GPR89B: variants seen among roughly 807,000 people sequenced by gnomAD.
GPR89B encodes G protein-coupled receptor 89B.
GPR89B carries 25 observed loss-of-function variants against 52.4 expected under a neutral mutation model. The observed-to-expected ratio is 0.48, with a 90% CI of 0.35 to 0.67. GPR89B has a LOEUF of 0.67. Among genes scored for constraint, GPR89B ranks in the 30% least tolerant of loss-of-function variants. GPR89B has a pLI of 0.01. For synonymous variants in GPR89B, 52 were observed against 151.2 expected (o/e 0.34, Z 4.81); for missense variants, 146 against 450.2 (o/e 0.32, Z 6.11).
the GPR89B span, among the ~76,000 whole-genome samples, chr1:148,021,006 G>C: frequency 6.6e-6 from 1 of 151,662 alleles, no homozygotes; most frequent in African/African-American, 2.4e-5. Context: ...TCTAAGCCGA[G>C]ACTTTGCAGA....
chr1:147,961,422 A>G (rs1656550736), intron 7 of GPR89B, among the ~76,000 whole-genome samples: 2 of 152,288 alleles, frequency 1.3e-5, no homozygotes, highest in African/African-American at 2.4e-5. Context: ...CTTGAAAGCA[A>G]CAAGGGGAAA....
intron 7 of GPR89B, among the ~76,000 whole-genome samples, chr1:147,956,951 C>A (rs1656163670): frequency 1.3e-5 from 2 of 151,900 alleles, no homozygotes; most frequent in African/African-American, 4.9e-5. Context: ...TTGGACCAGG[C>A]TGGTCTCAAA....
the GPR89B span, among the ~76,000 whole-genome samples, chr1:148,001,813 A>G: frequency 1.3e-5 from 2 of 151,614 alleles, no homozygotes; most frequent in Non-Finnish European, 2.9e-5. Context: ...GCATATTAAA[A>G]GGCTGCAAGT....
Position 147,969,933 on chromosome 1 carries a change from A to G in GPR89B, c.883A>G (p.Ile295Val). 2 of 1,480,784 alleles carry G rather than the reference A, an allele frequency of 1.4e-6. No homozygotes were observed. The highest frequency in any genetic ancestry group is 9.0e-7 in the Non-Finnish European group (1 of 1,109,430). 91.7% of individuals were successfully genotyped at this position (1,480,784 alleles called of 1,614,324 possible). A position where few individuals can be genotyped will look rare whatever the true frequency, so the allele number is the denominator to read the frequency against. The change falls in exon 10 of 14, where the codon ATT (isoleucine) becomes GTT (valine). Residue 295 changes from isoleucine to valine, a missense_variant. Physicochemically the swap from Ile to Val is conservative, Grantham distance 29 (BLOSUM62 3). Coordinates refer to ENST00000314163, the MANE Select transcript of GPR89B (RefSeq NM_016334.5). The part of the protein sequence containing the change: ...YFNFLGYFFS[I>V]YCVWKIFMAT... ...TAATTTTCTTGGTTACTTTTTCTCT[A>G]TTTACTGTGTTTGGAAAATTTTCAT...
chr1:147,936,120 C>T (rs1286672140), intron 1 of GPR89B, among the ~76,000 whole-genome samples: 3 of 151,980 alleles, frequency 2.0e-5, no homozygotes, highest in Admixed American at 6.6e-5. Flanking sequence ...CAGATTCAAG[C>T]GATTCTCATG....
intron 10 of GPR89B, among the ~76,000 whole-genome samples, chr1:147,970,491 A>ATCTCTCTCTCTC (rs1174595676): frequency 2.0e-3 from 212 of 105,726 alleles, no homozygotes; most frequent in East Asian, 9.3e-3. Flanking sequence ...GTGAGACTCC[A>ATCTCTCTCTCTC]TCTCTCTCTC....
chr1:147,981,348 C>A (rs1474422996), intron 10 of GPR89B, among the ~76,000 whole-genome samples: 17 of 150,760 alleles, frequency 1.1e-4, no homozygotes, highest in African/African-American at 4.2e-4. Context: ...CACACACACA[C>A]AAAATTAATA....
chr1:147,985,921 T>G (rs1658630935), intron 10 of GPR89B, among the ~76,000 whole-genome samples: 1 of 152,244 alleles, frequency 6.6e-6, no homozygotes, highest in Non-Finnish European at 1.5e-5. Flanking sequence ...AAATGTTACC[T>G]TTTTGGCTCC....
downstream of GPR89B, among the ~76,000 whole-genome samples, chr1:147,998,180 G>A (rs1382278901): frequency 6.8e-6 from 1 of 146,584 alleles, no homozygotes; most frequent in African/African-American, 2.5e-5. Flanking sequence ...CTGCCCACAC[G>A]TGTCCGGAAC....
chr1:147,962,433 A>G (rs1184290063), intron 7 of GPR89B, among the ~76,000 whole-genome samples: 1 of 151,124 alleles, frequency 6.6e-6, no homozygotes, highest in East Asian at 1.9e-4. Context: ...CAAAAAAAAA[A>G]AAAAAAGAAA....
At chr1:147,994,434 A>C (rs1398504799), downstream of GPR89B, 1 of 747,920 alleles carries the variant, frequency 1.3e-6, no homozygotes, top group Non-Finnish European at 2.2e-6. Context: ...GCATGACTTA[A>C]GTCGGGGAGT....
At chr1:148,019,793 C>T in the GPR89B span, among the ~76,000 whole-genome samples, 5 of 151,888 alleles carry the variant, frequency 3.3e-5, no homozygotes, top group Non-Finnish European at 7.4e-5. Context: ...ACTGTTTTTC[C>T]CTGAACTGGC....
the GPR89B span, chr1:148,010,000 A>G: frequency 5.2e-6 from 1 of 192,398 alleles, no homozygotes; most frequent in South Asian, 1.1e-4. Flanking sequence ...GGAGTTGACA[A>G]TTCCATTACT....
the GPR89B span, chr1:148,014,514 T>G: frequency 2.6e-5 from 4 of 151,280 alleles, no homozygotes; most frequent in African/African-American, 9.8e-5. Context: ...GGAGCCGAAG[T>G]GTGGTGGACT....
At chr1:147,928,873 C>T (rs2149028271) in intron 1 of GPR89B, 1 of 213,164 alleles carries the variant, frequency 4.7e-6, no homozygotes, top group Non-Finnish European at 8.1e-6. Flanking sequence ...GCGCCGCCAG[C>T]TAAGGCGGCG....
At chr1:147,950,432 C>T (rs1478771797) in intron 5 of GPR89B, among the ~76,000 whole-genome samples, 18 of 150,662 alleles carry the variant, frequency 1.2e-4, no homozygotes, top group South Asian at 4.2e-4. Flanking sequence ...CGGGCAGAGA[C>T]GCTCCTCACT....
chr1:147,980,043 G>A (rs1317293532), intron 10 of GPR89B, among the ~76,000 whole-genome samples: 380 of 148,078 alleles, frequency 2.6e-3, no homozygotes, highest in African/African-American at 2.9e-3. Context: ...CTATTATCAC[G>A]CCGCTGCACT....
At chr1:147,962,726 GTC>G (rs1475913297) in intron 7 of GPR89B, among the ~76,000 whole-genome samples, 1 of 151,648 alleles carries the variant, frequency 6.6e-6, no homozygotes, top group Non-Finnish European at 1.5e-5. Context: ...GTGAAACCCT[GTC>G]TCTACTAAAA....
chr1:147,966,284 A>C (rs1478573797), intron 7 of GPR89B, among the ~76,000 whole-genome samples: 5 of 151,924 alleles, frequency 3.3e-5, no homozygotes, highest in African/African-American at 1.2e-4. Context: ...TGAGGAGATG[A>C]AAACTCTAAG....
Sources: gnomAD v4.1 joint callset for allele counts (sites outside exome capture counted in the v4.1 genomes callset) on GRCh38, gnomAD v4.1.1 for gene constraint, MANE v1.5 for transcripts, NCBI Gene and HGNC (gene_info 2026-07-23, HGNC 2026-07-21) for gene names.